Variants in DNAJB14 observed in about 807,000 individuals in gnomAD.
DNAJB14 encodes dnaJ homolog subfamily B member 14.
Under a neutral mutation model 48.4 loss-of-function variants are expected in DNAJB14, and 22 were observed. That is an observed-to-expected ratio of 0.45 (90% CI 0.32 to 0.65). DNAJB14 has a LOEUF of 0.65. Ranked by LOEUF, DNAJB14 falls within the 30% of genes least tolerant of loss-of-function variation. The pLI is 0.03. For missense variants in DNAJB14, 319 were observed against 458.8 expected (o/e 0.70, Z 2.78); for synonymous variants, 142 against 158.7 (o/e 0.89, Z 0.79).
intron 3 of DNAJB14, chr4:99,922,566 T>A (rs2110208206): frequency 6.6e-6 from 1 of 152,128 alleles, no homozygotes; most frequent in African/African-American, 2.4e-5. Context: ...AAAAATAACA[T>A]TAGCTAAAAC....
Position 99,905,684 on chromosome 4 carries a change from T to A in DNAJB14, c.755A>T (p.Gln252Leu). ...GATCAATACAATTATGGGCATCAGC[T>A]GGATAAACACAGAAAAACCTCCCTA... is the stretch of plus-strand genomic sequence containing the variant. ...RGDGGFSVFIQLMPIIVLILV... is the reference protein window; with the variant it reads ...RGDGGFSVFILLMPIIVLILV... Residue 252 changes from glutamine (Q) to leucine (L), a missense_variant, in exon 6 of 8, where the codon CAG (glutamine) becomes CTG (leucine). Gln to Leu is a moderately radical substitution (Grantham distance 113). Around this residue, in one of 3 missense-constraint regions of DNAJB14, gnomAD observed 166 missense variants for 236.3 expected, o/e 0.70. Transcript: ENST00000442697. The A allele has an allele frequency of 6.2e-7, 1 of 1,612,824 alleles. No individual in the cohort carries two copies. The highest frequency in any genetic ancestry group is 8.5e-7 in the Non-Finnish European group (1 of 1,179,442).
intron 2 of DNAJB14, chr4:99,923,759 G>C: frequency 1.0e-6 from 1 of 959,986 alleles, no homozygotes. Flanking sequence ...GGCTAGTCTT[G>C]AAATTCGGGC....
rs749873075 is a variant in DNAJB14, at chr4:99,946,563, C to T, written c.9G>A (p.Gly3=). 2.5e-6 allele frequency: 4 copies of T among 1,613,646 alleles called. No individual in the cohort carries two copies. Among genetic ancestry groups the T allele is most frequent in the Admixed American group, 1.7e-5 (1 of 59,988 alleles). ME[G]NRDEAEKCVE... is the part of the protein sequence containing the mutation. The stretch of plus-strand genomic sequence containing the variant: ...CACATTTCTCAGCCTCATCCCTGTT[C>T]CCCTCCATAGCTTGCTCCTTCTTCC... The change falls in exon 1 of 8, where the codon GGG becomes GGA. Residue 3 remains glycine (G), a synonymous_variant. Coordinates refer to ENST00000442697, the MANE Select transcript of DNAJB14 (RefSeq NM_001031723.4).
At chr4:99,902,134 A>C (rs749966073) in intron 7 of DNAJB14, among the ~76,000 whole-genome samples, 1 of 152,134 alleles carries the variant, frequency 6.6e-6, no homozygotes, top group Non-Finnish European at 1.5e-5. Flanking sequence ...GATAAACCGA[A>C]GTTCACACTG....
rs1340622070 is a variant in DNAJB14, at chr4:99,898,674, A to C, written c.*2354T>G. 1 of 151,974 alleles carries C rather than the reference A, an allele frequency of 6.6e-6. No homozygotes were observed. Among genetic ancestry groups the C allele is most frequent in the African/African-American group, 2.4e-5 (1 of 41,442 alleles). 9.4% of individuals were successfully genotyped at this position (151,974 alleles called of 1,614,324 possible). On this transcript the variant is annotated 3_prime_UTR_variant, in exon 8 of 8. Transcript: ENST00000442697. ...GTTAGAATACCAGTTAGAGGAGCTA[A>C]TAAAGCAATATTCAAAGATTGAGGA...
At chr4:99,902,704 T>C (rs1469267555) in intron 7 of DNAJB14, among the ~76,000 whole-genome samples, 1 of 152,126 alleles carries the variant, frequency 6.6e-6, no homozygotes, top group Non-Finnish European at 1.5e-5. Flanking sequence ...ACAAACCCCA[T>C]AAAGTTGGTT....
At chr4:99,902,675 G>A (rs1725334682) in intron 7 of DNAJB14, among the ~76,000 whole-genome samples, 1 of 152,092 alleles carries the variant, frequency 6.6e-6, no homozygotes, top group African/African-American at 2.4e-5. Flanking sequence ...GTACTTTATT[G>A]CCTGATTTAA....
chr4:99,901,008 G>A lies in DNAJB14; in HGVS notation c.*20C>T. ...GAAAAAATAAAGAGTACGCTAAAAGGTATAAATAAAAATTCCAGTTCATCC... is the reference window on the plus strand; with the variant it reads ...GAAAAAATAAAGAGTACGCTAAAAGATATAAATAAAAATTCCAGTTCATCC... On this transcript the variant is annotated 3_prime_UTR_variant, in exon 8 of 8. Transcript: ENST00000442697. 1 of 1,599,518 alleles carries A rather than the reference G, an allele frequency of 6.3e-7. No homozygotes were observed. The highest frequency in any genetic ancestry group is 8.5e-7 in the Non-Finnish European group (1 of 1,175,850).
chr4:99,928,968 GAC>G (rs1361547597), intron 2 of DNAJB14: 1 of 154,398 alleles, frequency 6.5e-6, no homozygotes, highest in Non-Finnish European at 1.4e-5. Flanking sequence ...AGCTACCTCT[GAC>G]ACAGTACTAT....
In DNAJB14 at chr4:99,903,829, G is replaced by C; in HGVS notation, c.912C>G (p.Phe304Leu). 6.2e-7 allele frequency: 1 copy of C among 1,612,446 alleles called. No individual in the cohort carries two copies. The highest frequency in any genetic ancestry group is 8.5e-7 in the Non-Finnish European group (1 of 1,179,278). ...ATAACATTCCTTTATATTCATTTTT[G>C]AAGTCCTTGTTGACATAATAAACAA... ...LGVVYYVNKD[F>L]KNEYKGMLLQ... The change falls in exon 7 of 8, where the codon TTC (phenylalanine) becomes TTG (leucine). Residue 304 changes from phenylalanine (F) to leucine (L), a missense_variant. Coordinates refer to ENST00000442697, the MANE Select transcript of DNAJB14 (RefSeq NM_001031723.4).
At chr4:99,936,429 T>C (rs1726675087) in intron 1 of DNAJB14, among the ~76,000 whole-genome samples, 2 of 151,992 alleles carry the variant, frequency 1.3e-5, no homozygotes, top group African/African-American at 4.8e-5. Context: ...TATGTGTAGA[T>C]CACAAACACA....
In DNAJB14 at chr4:99,903,857, C is replaced by T. The variant is rs1169244773; in HGVS notation, c.884G>A (p.Gly295Asp). 1 of 1,612,434 alleles carries T rather than the reference C, an allele frequency of 6.2e-7. No homozygotes were observed. Among genetic ancestry groups the T allele is most frequent in the Non-Finnish European group, 8.5e-7 (1 of 1,179,262 alleles). The part of the protein sequence containing the change: ...QTIKMQTENL[G>D]VVYYVNKDFK... Reference sequence around the variant, plus strand: ...GTCCTTGTTGACATAATAAACAACACCCAAGTTTTCTGTTTGCATTTTAAT... The same window carrying T: ...GTCCTTGTTGACATAATAAACAACATCCAAGTTTTCTGTTTGCATTTTAAT... The change falls in exon 7 of 8, where the codon GGT becomes GAT. Residue 295 changes from glycine (G) to aspartate (D), a missense_variant. By Grantham distance (94) the Gly-to-Asp change is moderately conservative. This residue lies in a region of DNAJB14 where 166 missense variants were observed against 236.3 expected (regional missense o/e 0.70). Coordinates refer to ENST00000442697, the MANE Select transcript of DNAJB14 (RefSeq NM_001031723.4).
In DNAJB14 at chr4:99,923,214, A is replaced by G. The variant is rs112475658; in HGVS notation, c.306-29T>C. On this transcript the variant is annotated intron_variant, in intron 2 of 7. Transcript: ENST00000442697. Reference sequence around the variant, plus strand: ...TGAACAAGAGAGTGTGTTATAATGTAAATTTCAAGGAAGACGGTCATGTAA... The same window carrying G: ...TGAACAAGAGAGTGTGTTATAATGTGAATTTCAAGGAAGACGGTCATGTAA... The G allele has an allele frequency of 7.3e-5, 114 of 1,570,816 alleles. 2 individuals are homozygous for G. The African/African-American group carries it at 1.2e-3, about 17-fold the overall frequency.
At position 99,903,823 on chromosome 4, in the gene DNAJB14, A is replaced by T; in HGVS notation, c.918T>A (p.Asn306Lys). 1 of 1,612,890 alleles carries T rather than the reference A, an allele frequency of 6.2e-7. No individual in the cohort carries two copies. The highest frequency in any genetic ancestry group is 2.2e-5 in the East Asian group (1 of 44,770). Residue 306 changes from asparagine (N) to lysine (K), a missense_variant, in exon 7 of 8, where the codon AAT (asparagine) becomes AAA (lysine). Around this residue, in one of 3 missense-constraint regions of DNAJB14, gnomAD observed 166 missense variants for 236.3 expected, o/e 0.70. Coordinates refer to ENST00000442697, the MANE Select transcript of DNAJB14 (RefSeq NM_001031723.4). ...TTTGTAATAACATTCCTTTATATTC[A>T]TTTTTGAAGTCCTTGTTGACATAAT... ...VVYYVNKDFK[N>K]EYKGMLLQKV...
At chr4:99,908,684 A>G in intron 4 of DNAJB14, 27 bp downstream of exon 4, 1 of 1,496,436 alleles carries the variant, frequency 6.7e-7, no homozygotes, top group East Asian at 2.4e-5. Flanking sequence ...TTCATAAAAT[A>G]TAATATCTAT....
intron 3 of DNAJB14, among the ~76,000 whole-genome samples, chr4:99,910,659 A>T (rs1010983134): frequency 2.6e-5 from 4 of 152,060 alleles, no homozygotes; most frequent in Non-Finnish European, 4.4e-5. Context: ...CAATTTATAT[A>T]TTGTGGCCAG....
chr4:99,925,731 T>C (rs1445682895), intron 2 of DNAJB14: 1 of 151,994 alleles, frequency 6.6e-6, no homozygotes, highest in African/African-American at 2.4e-5. Context: ...TAAACAAATA[T>C]ATAAGTAAAA....
chr4:99,911,321 T>C (rs1188686545), intron 3 of DNAJB14, among the ~76,000 whole-genome samples: 4 of 152,104 alleles, frequency 2.6e-5, no homozygotes, highest in African/African-American at 4.8e-5. Flanking sequence ...TTTTTTCTAG[T>C]TTTTGGCTAT....
chr4:99,931,733 CATAT>C (rs70958338), intron 1 of DNAJB14, among the ~76,000 whole-genome samples: 6 of 146,238 alleles, frequency 4.1e-5, no homozygotes, highest in East Asian at 4.0e-4. Flanking sequence ...GAATTATTAC[CATAT>C]ATATATATAT....
Sources: allele counts gnomAD v4.1 joint callset (sites outside exome capture counted in the v4.1 genomes callset), GRCh38; gene constraint gnomAD v4.1.1; regional missense constraint gnomAD v4.1.1; transcripts MANE v1.5; gene names NCBI Gene and HGNC (gene_info 2026-07-23, HGNC 2026-07-21).